HPSE2: variants seen among roughly 807,000 people sequenced by gnomAD.
The protein encoded by HPSE2 is inactive heparanase-2.
In HPSE2, 38 loss-of-function variants were observed where a neutral mutation model predicts 60.5. The observed-to-expected ratio is 0.63, with a 90% CI of 0.48 to 0.82. The LOEUF (loss-of-function observed/expected upper bound fraction) is 0.82, where lower values mean the gene tolerates loss of function less well. Ranked by LOEUF, HPSE2 falls within the 40% of genes least tolerant of loss-of-function variation. The probability of loss-of-function intolerance (pLI) is 0.00; values close to 1 mark genes in which losing one functional copy is unlikely to be tolerated. For missense variants in HPSE2, 713 were observed against 740.4 expected, an observed-to-expected ratio of 0.96 and a Z score of 0.43; for synonymous variants, 295 against 293.2, an observed-to-expected ratio of 1.01 and a Z score of -0.06.
intron 9 of HPSE2, among the ~76,000 whole-genome samples, chr10:98,530,288 T>C (rs746634879): frequency 2.0e-5 from 3 of 152,200 alleles, no homozygotes; most frequent in Non-Finnish European, 4.4e-5. Flanking sequence ...TGGAGGACTT[T>C]AAATCTTCTA....
chr10:98,942,637 T>A (rs1002695103), intron 3 of HPSE2, among the ~76,000 whole-genome samples: 2 of 152,198 alleles, frequency 1.3e-5, no homozygotes, highest in African/African-American at 4.8e-5. Context: ...TTGGTGGGAC[T>A]GTCAACTAGT....
chr10:98,968,050 A>G (rs920923812), intron 3 of HPSE2, among the ~76,000 whole-genome samples: 6 of 152,170 alleles, frequency 3.9e-5, no homozygotes, highest in African/African-American at 1.4e-4. Context: ...CTCCCTATAC[A>G]TCCCCACTAT....
At chr10:99,052,469 A>G (rs917143759) in intron 3 of HPSE2, among the ~76,000 whole-genome samples, 6 of 152,056 alleles carry the variant, frequency 3.9e-5, no homozygotes, top group African/African-American at 1.4e-4. Context: ...AGAATCTCAA[A>G]AAGAGAAAAG....
intron 3 of HPSE2, among the ~76,000 whole-genome samples, chr10:98,954,395 T>A (rs945973348): frequency 2.0e-5 from 3 of 152,170 alleles, no homozygotes; most frequent in African/African-American, 7.2e-5. Context: ...AAAATCCTCA[T>A]TCCCTTTTCC....
intron 3 of HPSE2, among the ~76,000 whole-genome samples, chr10:99,081,770 G>C (rs1400801105): frequency 6.6e-6 from 1 of 151,982 alleles, no homozygotes; most frequent in Non-Finnish European, 1.5e-5. Flanking sequence ...CTGAGTAGCT[G>C]GGACTACAGG....
chr10:99,023,709 G>T (rs1401604864), intron 3 of HPSE2, among the ~76,000 whole-genome samples: 1 of 152,240 alleles, frequency 6.6e-6, no homozygotes, highest in Non-Finnish European at 1.5e-5. Context: ...TGATAATCCA[G>T]TGAATTCTTC....
Position 98,987,876 on chromosome 10 carries a change from A to G in HPSE2, c.610+156362T>C, listed in dbSNP as rs973772409. 1.4e-4 allele frequency among the ~76,000 whole-genome samples: 22 copies of G among 152,070 alleles called. No homozygotes were observed. In the South Asian group the frequency reaches 2.7e-3, roughly 19 times the overall value. On this transcript the variant is annotated intron_variant, in intron 3 of 11. Transcript: ENST00000370552. ...CAGACAAACAGAGAGCCAAATCATG[A>G]GTGAACTCCCATTCACAATTGCTTC...
chr10:98,899,603 C>A lies in HPSE2; in HGVS notation c.611-155547G>T, dbSNP rs554436140. Among the ~76,000 whole-genome samples, 9 of 151,954 alleles carry A rather than the reference C, an allele frequency of 5.9e-5. No homozygotes were observed. The South Asian group carries it at 1.7e-3, about 28-fold the overall frequency. On this transcript the variant is annotated intron_variant, in intron 3 of 11. Coordinates refer to ENST00000370552, the MANE Select transcript of HPSE2 (RefSeq NM_021828.5). ...TTATTAGGAAAATGTAAATTAAAACCAGAATGAAGGACTACTGCACACCTA... is the reference window on the plus strand; with the variant it reads ...TTATTAGGAAAATGTAAATTAAAACAAGAATGAAGGACTACTGCACACCTA...
intron 10 of HPSE2, among the ~76,000 whole-genome samples, chr10:98,486,044 A>T (rs1362962285): frequency 1.3e-5 from 2 of 152,126 alleles, no homozygotes; most frequent in Admixed American, 1.3e-4. Context: ...CAGCCCAGAG[A>T]CCCACATATA....
chr10:98,762,715 T>TA (rs5787307), intron 3 of HPSE2, among the ~76,000 whole-genome samples: 1 of 151,432 alleles, frequency 6.6e-6, no homozygotes, highest in Non-Finnish European at 1.5e-5. Context: ...CCCATACTTT[T>TA]AAAAAAAAAT....
chr10:98,898,373 T>C (rs1336079637), intron 3 of HPSE2, among the ~76,000 whole-genome samples: 2 of 152,076 alleles, frequency 1.3e-5, no homozygotes, highest in Admixed American at 6.6e-5. Context: ...TGGTACATCA[T>C]AAAGTGGAAT....
chr10:98,739,931 T>C (rs1949454755), intron 4 of HPSE2, among the ~76,000 whole-genome samples: 1 of 152,126 alleles, frequency 6.6e-6, no homozygotes, highest in Admixed American at 6.6e-5. Context: ...GGAGTTGGAC[T>C]AGAATTTATA....
chr10:98,660,151 A>C lies in HPSE2; in HGVS notation c.1005-18211T>G, dbSNP rs1262818383. Reference sequence around the variant, plus strand: ...TGGGGGGCAGATCAAACAGAAGTACACATGAGGGGAAAAGAATGGTCATGT... The same window carrying C: ...TGGGGGGCAGATCAAACAGAAGTACCCATGAGGGGAAAAGAATGGTCATGT... On this transcript the variant is annotated intron_variant, in intron 6 of 11. Transcript: ENST00000370552. 3.9e-5 allele frequency among the ~76,000 whole-genome samples: 6 copies of C among 152,228 alleles called. No homozygotes were observed. The South Asian group carries it at 1.2e-3, about 32-fold the overall frequency.
intron 6 of HPSE2, among the ~76,000 whole-genome samples, chr10:98,644,056 A>C (rs1427715066): frequency 6.6e-6 from 1 of 152,148 alleles, no homozygotes; most frequent in Admixed American, 6.5e-5. Context: ...TCCTGTGAAG[A>C]ACCTCCCTAG....
At chr10:99,238,940 A>T (rs1329430453), upstream of HPSE2, among the ~76,000 whole-genome samples, 5 of 152,070 alleles carry the variant, frequency 3.3e-5, no homozygotes, top group Non-Finnish European at 7.4e-5. Context: ...CAGGCGGATC[A>T]CCTGAGGTAA....
intron 3 of HPSE2, among the ~76,000 whole-genome samples, chr10:99,117,483 T>C (rs1335705774): frequency 2.4e-5 from 1 of 41,340 alleles, no homozygotes; most frequent in Non-Finnish European, 4.7e-5. Context: ...GCTAGACAAA[T>C]AAAGAAGAGA....
intron 6 of HPSE2, among the ~76,000 whole-genome samples, chr10:98,668,041 C>T (rs1179899525): frequency 6.6e-6 from 1 of 151,990 alleles, no homozygotes; most frequent in Non-Finnish European, 1.5e-5. Flanking sequence ...CAAAAGGCTC[C>T]TGGAACTGAT....
chr10:99,269,523 C>G, the HPSE2 span, among the ~76,000 whole-genome samples: 1 of 152,134 alleles, frequency 6.6e-6, no homozygotes, highest in South Asian at 2.1e-4. Context: ...CTTCAATACT[C>G]CACTAACAGC....
At chr10:99,193,058 A>T (rs1848275935) in intron 2 of HPSE2, among the ~76,000 whole-genome samples, 1 of 152,200 alleles carries the variant, frequency 6.6e-6, no homozygotes, top group South Asian at 2.1e-4. Context: ...TAAAAGATGA[A>T]CCTATCAAAA....
Sources: gnomAD v4.1 joint callset for allele counts (sites outside exome capture counted in the v4.1 genomes callset) on GRCh38, gnomAD v4.1.1 for gene constraint, MANE v1.5 for transcripts, NCBI Gene and HGNC (gene_info 2026-07-23, HGNC 2026-07-21) for gene names.